The following SLC38A8 variants were observed in gnomAD, a reference collection of about 807,000 sequenced individuals.
SLC38A8 encodes amino acid transporter SLC38A8.
Under a neutral mutation model 46.0 loss-of-function variants are expected in SLC38A8, and 65 were observed. The ratio of observed to expected loss-of-function variants is 1.41; its 90% CI spans 1.16 to 1.74. The LOEUF (loss-of-function observed/expected upper bound fraction) is 1.74. Among genes scored for constraint, SLC38A8 ranks in the 40% most tolerant of loss-of-function variants. The probability of loss-of-function intolerance (pLI) is 0.00; values close to 1 mark genes in which losing one functional copy is unlikely to be tolerated. For missense variants in SLC38A8, 998 were observed against 567.9 expected (o/e 1.76, Z -7.70); for synonymous variants, 447 against 243.7 (o/e 1.83, Z -7.77).
rs1424780747 is a variant in SLC38A8 at position 84,037,040 on chromosome 16, T to G, written c.190-140A>C. ...TGCTGCCAACATGGGGTTGGCAGTC[T>G]ACCAGCTATGTCACTGCACACACCC... On this transcript the variant is annotated intron_variant, in intron 2 of 10. Coordinates refer to ENST00000299709, the MANE Select transcript of SLC38A8 (RefSeq NM_001080442.3). The G allele has an allele frequency of 4.9e-6, 4 of 820,690 alleles. No homozygotes were observed. The South Asian group carries it at 6.5e-5, about 13-fold the overall frequency. 50.8% of individuals were successfully genotyped at this position (820,690 alleles called of 1,614,324 possible). A position where few individuals can be genotyped will look rare whatever the true frequency, so the allele number is the denominator to read the frequency against.
chr16:84,033,271 C>A lies in SLC38A8; in HGVS notation c.530+57G>T. On this transcript the variant is annotated intron_variant, in intron 4 of 10. Coordinates refer to ENST00000299709, the MANE Select transcript of SLC38A8 (RefSeq NM_001080442.3). ...CTCTGACCCCAGATGGACAGAAACC[C>A]TGACACAAACACTCAGCAAGGTGGG... is the stretch of plus-strand genomic sequence containing the variant. 3.1e-6 allele frequency: 5 copies of A among 1,612,074 alleles called. No individual in the cohort carries two copies. In the South Asian group the frequency reaches 5.5e-5, roughly 18 times the overall value.
At chr16:84,024,328 A>G (rs916429292) in intron 6 of SLC38A8, among the ~76,000 whole-genome samples, 5 of 152,164 alleles carry the variant, frequency 3.3e-5, no homozygotes, top group Admixed American at 2.0e-4. Context: ...TGTATATGTG[A>G]CATGCCATAT....
At chr16:84,027,166 G>A (rs1234134296) in intron 6 of SLC38A8, among the ~76,000 whole-genome samples, 5 of 152,024 alleles carry the variant, frequency 3.3e-5, no homozygotes, top group Admixed American at 1.3e-4. Flanking sequence ...CCTGGCCAAC[G>A]TGTTGAAACC....
At chr16:84,030,263 G>A (rs1339850671) in intron 5 of SLC38A8, among the ~76,000 whole-genome samples, 1 of 152,108 alleles carries the variant, frequency 6.6e-6, no homozygotes, top group Non-Finnish European at 1.5e-5. Context: ...TCTTCGGAGG[G>A]AGCATGGCCT....
At chr16:84,041,598 C>T (rs1209472497) in intron 2 of SLC38A8, among the ~76,000 whole-genome samples, 1 of 152,206 alleles carries the variant, frequency 6.6e-6, no homozygotes, top group Non-Finnish European at 1.5e-5. Context: ...TAGGCACGAG[C>T]CACCGTGCCC....
chr16:84,009,787 G>T lies in SLC38A8; in HGVS notation c.1305C>A (p.Phe435Leu). The change falls in exon 11 of 11, where the codon TTC (phenylalanine) becomes TTA (leucine). Residue 435 changes from phenylalanine to leucine, a missense_variant. Physicochemically the swap from Phe to Leu is conservative, Grantham distance 22 (BLOSUM62 0). Coordinates refer to ENST00000299709, the MANE Select transcript of SLC38A8 (RefSeq NM_001080442.3). ...QSTAAAVWEM[F>L] ...CCTGCCCGGCACTAGCTGCCCATCA[G>T]AACATCTCCCAGACCGCTGCCGCCG... 6 of 1,613,674 alleles carry T rather than the reference G, an allele frequency of 3.7e-6. No individual in the cohort carries two copies. The highest frequency in any genetic ancestry group is 5.1e-6 in the Non-Finnish European group (6 of 1,179,788).
chr16:84,029,566 G>T lies in SLC38A8; in HGVS notation c.633-15C>A. 1.9e-6 allele frequency: 3 copies of T among 1,613,752 alleles called. No homozygotes were observed. The highest frequency in any genetic ancestry group is 2.5e-6 in the Non-Finnish European group (3 of 1,179,782). On this transcript the variant is annotated splice_polypyrimidine_tract_variant and intron_variant, in intron 5 of 10. Transcript: ENST00000299709. The stretch of plus-strand genomic sequence containing the variant: ...AGGAGGCAGGGCTGTAAACAGACAA[G>T]AACAGGAGTTTATTAAAGAAGGGTC...
At chr16:84,026,142 A>G (rs566133285) in intron 6 of SLC38A8, among the ~76,000 whole-genome samples, 1 of 152,366 alleles carries the variant, frequency 6.6e-6, no homozygotes, top group African/African-American at 2.4e-5. Context: ...TATAAGGGAA[A>G]AGACAGTTAG....
At position 84,042,677 on chromosome 16, in the gene SLC38A8, G is replaced by C; in HGVS notation, c.-129C>G. 1 of 154,336 alleles carries C rather than the reference G, an allele frequency of 6.5e-6. No homozygotes were observed. The allele number at this position is 154,336 out of a possible 1,614,324, so 9.6% of individuals were successfully genotyped here. A position where few individuals can be genotyped will look rare whatever the true frequency, so the allele number is the denominator to read the frequency against. On this transcript the variant is annotated 5_prime_UTR_variant, in exon 1 of 11. Coordinates refer to ENST00000299709, the MANE Select transcript of SLC38A8 (RefSeq NM_001080442.3). ...GTGGGAGAAGCAAGATTCGAGCTTG[G>C]CCAGGGGTGAGTGAGTCATTAACTA... is the stretch of plus-strand genomic sequence containing the variant.
At chr16:84,026,310 A>T (rs1597264559) in intron 6 of SLC38A8, among the ~76,000 whole-genome samples, 1 of 148,828 alleles carries the variant, frequency 6.7e-6, no homozygotes, top group African/African-American at 2.5e-5. Context: ...GCTCACTGCA[A>T]CCTCCACATC....
intron 2 of SLC38A8, among the ~76,000 whole-genome samples, chr16:84,038,582 T>A (rs2085329436): frequency 6.6e-6 from 1 of 152,202 alleles, no homozygotes; most frequent in African/African-American, 2.4e-5. Flanking sequence ...CCTTTTCTCT[T>A]GTAGGGTGAA....
intron 7 of SLC38A8, among the ~76,000 whole-genome samples, chr16:84,022,269 G>A (rs1207714694): frequency 6.6e-6 from 1 of 152,216 alleles, no homozygotes; most frequent in Admixed American, 6.5e-5. Context: ...CCAGGGACCT[G>A]GGACTGTCCT....
chr16:84,038,961 T>C (rs556140711), intron 2 of SLC38A8, among the ~76,000 whole-genome samples: 34 of 152,318 alleles, frequency 2.2e-4, no homozygotes, highest in Admixed American at 1.4e-3. Flanking sequence ...GGAAACAGTT[T>C]TTGCAGATGT....
At chr16:84,016,754 A>G (rs13380582) in intron 8 of SLC38A8, 27 bp from the exon 9 acceptor site, 2 of 1,600,452 alleles carry the variant, frequency 1.2e-6, no homozygotes, top group Admixed American at 1.7e-5. Context: ...ACACAGACAC[A>G]TGGGCATCTC....
At chr16:84,021,370 A>G (rs1213045021) in intron 7 of SLC38A8, among the ~76,000 whole-genome samples, 2 of 152,130 alleles carry the variant, frequency 1.3e-5, no homozygotes, top group African/African-American at 2.4e-5. Flanking sequence ...CGGCCAGTTC[A>G]TCCCTTTCAA....
chr16:84,034,712 C>T (rs1357624095), intron 3 of SLC38A8, among the ~76,000 whole-genome samples: 1 of 152,200 alleles, frequency 6.6e-6, no homozygotes, highest in Admixed American at 6.5e-5. Flanking sequence ...GTGGTCACAG[C>T]AGCATCCACG....
chr16:84,035,480 G>A lies in SLC38A8; in HGVS notation c.388+1222C>T, dbSNP rs963057451. 3.9e-5 allele frequency among the ~76,000 whole-genome samples: 6 copies of A among 152,104 alleles called. No homozygotes were observed. The South Asian group carries it at 6.2e-4, about 16-fold the overall frequency. ...AATTAAAAGTCTAAACATTCCAATCGGAAGTCTGAGACTGTCAAGTTGGAT... is the reference window on the plus strand; with the variant it reads ...AATTAAAAGTCTAAACATTCCAATCAGAAGTCTGAGACTGTCAAGTTGGAT... On this transcript the variant is annotated intron_variant, in intron 3 of 10. Coordinates refer to ENST00000299709, the MANE Select transcript of SLC38A8 (RefSeq NM_001080442.3).
intron 6 of SLC38A8, among the ~76,000 whole-genome samples, chr16:84,028,360 C>T (rs113491093): frequency 2.6e-5 from 4 of 151,990 alleles, no homozygotes; most frequent in African/African-American, 7.2e-5. Context: ...GAGGGCAGAT[C>T]GCTTGACGTC....
intron 10 of SLC38A8, among the ~76,000 whole-genome samples, chr16:84,010,848 G>T (rs968415413): frequency 6.6e-6 from 1 of 151,868 alleles, no homozygotes; most frequent in East Asian, 1.9e-4. Context: ...GAAAATGAAG[G>T]AGAAGACGCA....
Sources: allele counts gnomAD v4.1 joint callset (sites outside exome capture counted in the v4.1 genomes callset), GRCh38; gene constraint gnomAD v4.1.1; transcripts MANE v1.5; gene names NCBI Gene and HGNC (gene_info 2026-07-23, HGNC 2026-07-21).